The following NXPE1 variants were observed in gnomAD, a reference collection of about 807,000 sequenced individuals.
NXPE1 encodes the protein NXPE family member 1.
A neutral mutation model predicts 33.3 loss-of-function variants in NXPE1; 31 were observed. The observed-to-expected ratio is 0.93, with a 90% CI of 0.70 to 1.26. NXPE1 has a LOEUF of 1.26. Ranked by LOEUF, NXPE1 falls within the 50% of genes most tolerant of loss-of-function variation. The probability of loss-of-function intolerance (pLI) is 0.00; values close to 1 mark genes in which losing one functional copy is unlikely to be tolerated. For missense variants in NXPE1, 661 were observed against 655.6 expected, an observed-to-expected ratio of 1.01 and a Z score of -0.09; for synonymous variants, 229 against 231.4, an observed-to-expected ratio of 0.99 and a Z score of 0.09.
chr11:114,545,695 T>TG (rs999628502), intron 5 of NXPE1, among the ~76,000 whole-genome samples: 1 of 151,576 alleles, frequency 6.6e-6, no homozygotes, highest in African/African-American at 2.4e-5. Context: ...GTGGATCTTT[T>TG]TTTTTTTTTT....
chr11:114,540,149 G>T (rs1162001917), intron 5 of NXPE1, among the ~76,000 whole-genome samples: 1 of 152,132 alleles, frequency 6.6e-6, no homozygotes, highest in Non-Finnish European at 1.5e-5. Context: ...TAGAGATGGG[G>T]TTTCACCATG....
chr11:114,542,735 C>T (rs944292597), intron 5 of NXPE1, among the ~76,000 whole-genome samples: 1 of 151,994 alleles, frequency 6.6e-6, no homozygotes, highest in Non-Finnish European at 1.5e-5. Context: ...AAGCAATAGT[C>T]ATTTACCAAG....
At chr11:114,559,412 T>C (rs1445002893) in intron 1 of NXPE1, among the ~76,000 whole-genome samples, 1 of 152,204 alleles carries the variant, frequency 6.6e-6, no homozygotes, top group Non-Finnish European at 1.5e-5. Flanking sequence ...CAAAGAAATA[T>C]CAGTTGTAAA....
chr11:114,544,518 G>A (rs895106820), intron 5 of NXPE1, among the ~76,000 whole-genome samples: 3 of 152,076 alleles, frequency 2.0e-5, no homozygotes, highest in African/African-American at 7.2e-5. Flanking sequence ...ACAATTAGAC[G>A]TTCATACATA....
At chr11:114,539,225 T>C (rs1373409150) in intron 5 of NXPE1, among the ~76,000 whole-genome samples, 3 of 143,344 alleles carry the variant, frequency 2.1e-5, no homozygotes, top group East Asian at 2.0e-4. Context: ...TAGGTGGGAA[T>C]TGAACAATGA....
chr11:114,558,038 C>T (rs541539664), intron 1 of NXPE1, among the ~76,000 whole-genome samples: 249 of 152,214 alleles, frequency 1.6e-3, no homozygotes, highest in African/African-American at 5.5e-3. Flanking sequence ...CTCAACCCCT[C>T]ACTGCCCCAG....
At chr11:114,557,106 C>A (rs1948668933) in intron 1 of NXPE1, among the ~76,000 whole-genome samples, 1 of 152,034 alleles carries the variant, frequency 6.6e-6, no homozygotes, top group African/African-American at 2.4e-5. Flanking sequence ...GTTGGCCAGG[C>A]TGGTCTCGAA....
chr11:114,530,237 G>A, exon 6 of NXPE1: 1 of 1,614,050 alleles, frequency 6.2e-7, no homozygotes, highest in Non-Finnish European at 8.5e-7. Flanking sequence ...GGGTGGTCAT[G>A]TAGGTCAGAG....
At chr11:114,533,404 T>C (rs1228876271) in intron 5 of NXPE1, among the ~76,000 whole-genome samples, 1 of 152,156 alleles carries the variant, frequency 6.6e-6, no homozygotes. Flanking sequence ...CTGAGGTACT[T>C]GGTTCATCTC....
intron 5 of NXPE1, among the ~76,000 whole-genome samples, chr11:114,538,199 A>T (rs1011108773): frequency 4.6e-5 from 7 of 152,234 alleles, no homozygotes; most frequent in African/African-American, 7.2e-5. Flanking sequence ...TATTTAATAA[A>T]TGGTGCTGGG....
intron 2 of NXPE1, among the ~76,000 whole-genome samples, chr11:114,552,623 T>G (rs942570593): frequency 6.6e-6 from 1 of 152,134 alleles, no homozygotes; most frequent in African/African-American, 2.4e-5. Context: ...TGACCCCTCC[T>G]GCCCCCGAGA....
chr11:114,532,405 A>G (rs1170038504), intron 5 of NXPE1, among the ~76,000 whole-genome samples: 1 of 152,158 alleles, frequency 6.6e-6, no homozygotes, highest in African/African-American at 2.4e-5. Context: ...ACATTATAAA[A>G]TAGATAAAAA....
intron 5 of NXPE1, among the ~76,000 whole-genome samples, chr11:114,547,556 G>A (rs1948324526): frequency 6.6e-6 from 1 of 152,084 alleles, no homozygotes; most frequent in African/African-American, 2.4e-5. Context: ...CCAACATGGT[G>A]AAACGCATCT....
At chr11:114,557,673 A>C (rs1480514116) in intron 1 of NXPE1, among the ~76,000 whole-genome samples, 3 of 123,920 alleles carry the variant, frequency 2.4e-5, no homozygotes, top group Non-Finnish European at 1.7e-5. Flanking sequence ...ATATATATAT[A>C]AAATCCTTGT....
chr11:114,530,312 T>G (rs749473801), exon 6 of NXPE1: 18 of 1,614,230 alleles, frequency 1.1e-5, no homozygotes, highest in Non-Finnish European at 1.5e-5. Flanking sequence ...CATCCAGATA[T>G]TCACAGAGTT....
chr11:114,522,357 T>C, exon 9 of NXPE1: 1 of 1,614,084 alleles, frequency 6.2e-7, no homozygotes, highest in South Asian at 1.1e-5. Flanking sequence ...TCCCGAGGGA[T>C]ATAATCATGA....
intron 5 of NXPE1, among the ~76,000 whole-genome samples, chr11:114,531,289 CTCTT>C: frequency 6.6e-6 from 1 of 152,174 alleles, no homozygotes; most frequent in South Asian, 2.1e-4. Flanking sequence ...GATAAGTTTA[CTCTT>C]TCTTTTCATA....
intron 5 of NXPE1, among the ~76,000 whole-genome samples, chr11:114,541,634 T>C (rs1018783205): frequency 6.6e-6 from 1 of 152,174 alleles, no homozygotes; most frequent in Non-Finnish European, 1.5e-5. Context: ...AAAAATACAT[T>C]GGTTTGTTCC....
chr11:114,559,389 A>G (rs183499782), intron 1 of NXPE1, among the ~76,000 whole-genome samples: 5 of 152,344 alleles, frequency 3.3e-5, no homozygotes, highest in African/African-American at 1.2e-4. Context: ...ACAATGTCAT[A>G]CATAAAACAA....
Sources: allele counts gnomAD v4.1 joint callset (sites outside exome capture counted in the v4.1 genomes callset), GRCh38; gene constraint gnomAD v4.1.1; transcripts MANE v1.5; gene names NCBI Gene and HGNC (gene_info 2026-07-23, HGNC 2026-07-21).